Variants in TCEAL3 observed in about 807,000 individuals in gnomAD.
TCEAL3 encodes transcription elongation factor A protein-like 3.
For synonymous variants in TCEAL3, 41 were observed against 60.2 expected (o/e 0.68, Z 1.48); for missense variants, 99 against 156.4 (o/e 0.63, Z 1.96).
rs1305492392 is a variant in TCEAL3 at position 103,608,412 on chromosome X, A to G, written c.-97-192A>G. ...CAGGTTGCCTCCAGGGGAAGGGGAC[A>G]CAGAGACAAACGCAGTTTGGAAAGC... On this transcript the variant is annotated intron_variant, in intron 1 of 2. Coordinates refer to ENST00000372627, the MANE Select transcript of TCEAL3 (RefSeq NM_032926.3). Among the ~76,000 whole-genome samples the G allele has an allele frequency of 2.7e-5, 3 of 112,638 alleles. No homozygotes were observed. In the East Asian group the frequency reaches 8.4e-4, roughly 32 times the overall value.
intron 1 of TCEAL3, among the ~76,000 whole-genome samples, 162 bp from the exon 2 acceptor site, chrX:103,608,442 T>C (rs1251808851): frequency 9.0e-6 from 1 of 111,523 alleles, no homozygotes; most frequent in Non-Finnish European, 1.9e-5. Flanking sequence ...GAAAGCATCC[T>C]GGTTTGGTGC....
At chrX:103,608,562 C>A (rs2073640464) in intron 1 of TCEAL3, 42 bp from the exon 2 acceptor site, 3 of 438,122 alleles carry the variant, frequency 6.8e-6, no homozygotes, top group East Asian at 6.5e-5. Context: ...TGTGAGACCG[C>A]TGACTGCGCA....
intron 2 of TCEAL3, 52 bp from the exon 3 acceptor site, chrX:103,608,986 A>G: frequency 1.7e-6 from 2 of 1,150,250 alleles, no homozygotes; most frequent in Non-Finnish European, 2.3e-6. Flanking sequence ...CCATGCCCTC[A>G]GTCTCCCATG....
At position 103,609,585 on chromosome X, in the gene TCEAL3, C is replaced by T. The variant is rs2073647565; in HGVS notation, c.521C>T (p.Ala174Val). ...CAAAGAGATGTACAGGATCCATTCG[C>T]CCCAAGGGGACAACGGGGTGTCAGG... Reference protein sequence around the residue: ...WMQRDVQDPFAPRGQRGVRGV... With the variant: ...WMQRDVQDPFVPRGQRGVRGV... The change falls in exon 3 of 3, where the codon GCC becomes GTC. Residue 174 changes from alanine (A) to valine (V), a missense_variant. By Grantham distance (64) the Ala-to-Val change is moderately conservative (BLOSUM62 0). Transcript: ENST00000372627. The T allele has an allele frequency of 8.3e-7, 1 of 1,209,630 alleles. No homozygotes were observed. Among genetic ancestry groups the T allele is most frequent in the Non-Finnish European group, 1.1e-6 (1 of 895,175 alleles).
chrX:103,608,695 G>A, intron 2 of TCEAL3, 22 bp downstream of exon 2: 1 of 528,759 alleles, frequency 1.9e-6, no homozygotes, highest in Non-Finnish European at 3.1e-6. Context: ...TGGTTGTGGG[G>A]GAGCTCAATG....
In TCEAL3 at chrX:103,608,987, G is replaced by T. The variant is rs1339353955; in HGVS notation, c.-27-51G>T. The T allele has an allele frequency of 4.4e-6, 5 of 1,149,255 alleles. No homozygotes were observed. In the African/African-American group the frequency reaches 7.3e-5, roughly 17 times the overall value. The allele number at this position is 1,149,255 out of a possible 1,213,427, so 94.7% of individuals were successfully genotyped here. A position where few individuals can be genotyped will look rare whatever the true frequency, so the allele number is the denominator to read the frequency against. ...ACCTGCATTCCACCCCATGCCCTCA[G>T]TCTCCCATGTCTCTTATTTGTCTCC... On this transcript the variant is annotated intron_variant, in intron 2 of 2. Transcript: ENST00000372627.
At chrX:103,608,929 C>T in intron 2 of TCEAL3, 109 bp from the exon 3 acceptor site, 1 of 1,046,326 alleles carries the variant, frequency 9.6e-7, no homozygotes, top group Middle Eastern at 2.9e-4. Flanking sequence ...TTAGGGGAAC[C>T]CTCACCAGGG....
chrX:103,608,287 G>A (rs2073638975), intron 1 of TCEAL3, among the ~76,000 whole-genome samples: 1 of 112,947 alleles, frequency 8.9e-6, no homozygotes, highest in Non-Finnish European at 1.9e-5. Flanking sequence ...CAACCCCGCA[G>A]TGCAACAGTG....
At position 103,609,305 on chromosome X, in the gene TCEAL3, G is replaced by A; in HGVS notation, c.241G>A (p.Glu81Lys). The A allele has an allele frequency of 1.7e-6, 2 of 1,212,124 alleles. No homozygotes were observed. Among genetic ancestry groups the A allele is most frequent in the Non-Finnish European group, 2.2e-6 (2 of 895,598 alleles). The change falls in exon 3 of 3, where the codon GAG becomes AAG. Residue 81 changes from glutamate (E) to lysine (K), a missense_variant. Physicochemically the swap from Glu to Lys is moderately conservative, Grantham distance 56. Coordinates refer to ENST00000372627, the MANE Select transcript of TCEAL3 (RefSeq NM_032926.3). The part of the protein sequence containing the change: ...RSEGEGKPQG[E>K]GKPASQAKPE... Reference sequence around the variant, plus strand: ...CGAAGGTGAGGGCAAGCCACAAGGCGAGGGCAAGCCAGCCTCCCAGGCAAA... The same window carrying A: ...CGAAGGTGAGGGCAAGCCACAAGGCAAGGGCAAGCCAGCCTCCCAGGCAAA...
At chrX:103,609,000 CTTAT>C (rs765132289) in intron 2 of TCEAL3, 34 bp from the exon 3 acceptor site, 3 of 1,161,894 alleles carry the variant, frequency 2.6e-6, no homozygotes, top group African/African-American at 3.6e-5. Flanking sequence ...TCCCATGTCT[CTTAT>C]TTGTCTCCTC....
Position 103,609,160 on chromosome X carries a change from G to A in TCEAL3, c.96G>A (p.Glu32=), listed in dbSNP as rs2147633492. 8.3e-7 allele frequency: 1 copy of A among 1,211,717 alleles called. No homozygotes were observed. The highest frequency in any genetic ancestry group is 1.1e-6 in the Non-Finnish European group (1 of 895,418). Residue 32 remains glutamate (E), a synonymous_variant, in exon 3 of 3, where the codon GAG becomes GAA. Transcript: ENST00000372627. ...CTGATGATGAAGGAAAGTCAGACGA[G>A]GAAGAAAAGCCAGACGTGGAGGGGA... ...VEPDDEGKSD[E]EEKPDVEGKT... is the part of the protein sequence containing the mutation.
chrX:103,609,688 G>T lies in TCEAL3; in HGVS notation c.*21G>T, dbSNP rs552600040. The T allele has an allele frequency of 8.3e-7, 1 of 1,199,215 alleles. No individual in the cohort carries two copies. Among genetic ancestry groups the T allele is most frequent in the Non-Finnish European group, 1.1e-6 (1 of 888,132 alleles). On this transcript the variant is annotated 3_prime_UTR_variant, in exon 3 of 3. Transcript: ENST00000372627. ...TTTAATGCCTTTGGCCTTCCATTCT[G>T]ATTTCTCTGATGAGAATATTGCTGG...
chrX:103,608,940 G>A, intron 2 of TCEAL3, 98 bp from the exon 3 acceptor site: 1 of 1,081,371 alleles, frequency 9.2e-7, no homozygotes, highest in Non-Finnish European at 1.2e-6. Flanking sequence ...CTCACCAGGG[G>A]TGAGATGCAA....
At chrX:103,608,951 G>A in intron 2 of TCEAL3, 87 bp from the exon 3 acceptor site, 1 of 1,108,110 alleles carries the variant, frequency 9.0e-7, no homozygotes. Flanking sequence ...TGAGATGCAA[G>A]TACTATCCAG....
Position 103,608,689 on chromosome X carries a change from T to G in TCEAL3, c.-28+16T>G, listed in dbSNP as rs56302788. 3.6e-6 allele frequency: 2 copies of G among 550,935 alleles called. No individual in the cohort carries two copies. Among genetic ancestry groups the G allele is most frequent in the Non-Finnish European group, 5.8e-6 (2 of 342,670 alleles). The allele number at this position is 550,935 out of a possible 1,213,427, so 45.4% of individuals were successfully genotyped here. A position where few individuals can be genotyped will look rare whatever the true frequency, so the allele number is the denominator to read the frequency against. Reference sequence around the variant, plus strand: ...ATCCCTGCAGGTCTGTGAAGGTGGTTGTGGGGGAGCTCAATGGACAGGGCC... The same window carrying G: ...ATCCCTGCAGGTCTGTGAAGGTGGTGGTGGGGGAGCTCAATGGACAGGGCC... On this transcript the variant is annotated intron_variant, in intron 2 of 2. Coordinates refer to ENST00000372627, the MANE Select transcript of TCEAL3 (RefSeq NM_032926.3).
chrX:103,609,643 C>A lies in TCEAL3; in HGVS notation c.579C>A (p.Gly193=). Residue 193 remains glycine (G), a synonymous_variant, in exon 3 of 3, where the codon GGC becomes GGA. Transcript: ENST00000372627. Reference sequence around the variant, plus strand: ...GGGGTGGAGGTAGGGGCCAGAGGGGCTTACACGATATCCCATACCTTTAAT... The same window carrying A: ...GGGGTGGAGGTAGGGGCCAGAGGGGATTACACGATATCCCATACCTTTAAT... ...GVRGGGRGQR[G]LHDIPYL The A allele has an allele frequency of 8.3e-7, 1 of 1,211,007 alleles. No homozygotes were observed.
Sources: allele counts gnomAD v4.1 joint callset (sites outside exome capture counted in the v4.1 genomes callset), GRCh38; gene constraint gnomAD v4.1.1; transcripts MANE v1.5; gene names NCBI Gene and HGNC (gene_info 2026-07-23, HGNC 2026-07-21).